The following ZNF100 variants were observed in gnomAD, a reference collection of about 807,000 sequenced individuals.
The protein encoded by ZNF100 is zinc finger protein 100, also known as zinc finger protein 100 (Y1).
Under a neutral mutation model 15.8 loss-of-function variants are expected in ZNF100, and 12 were observed. The ratio of observed to expected loss-of-function variants is 0.76; its 90% CI spans 0.49 to 1.23. The LOEUF (loss-of-function observed/expected upper bound fraction) is 1.23. ZNF100 is among the 50% of genes most tolerant of loss of function. The probability of loss-of-function intolerance (pLI) is 0.00; values close to 1 mark genes in which losing one functional copy is unlikely to be tolerated. For synonymous variants in ZNF100, 226 were observed against 214.8 expected, an observed-to-expected ratio of 1.05 and a Z score of -0.45; for missense variants, 670 against 635.6, an observed-to-expected ratio of 1.05 and a Z score of -0.58.
At position 21,724,255 on chromosome 19, in the gene ZNF100, T is replaced by C. The variant is rs2035733139; in HGVS notation, c.*2428A>G. On this transcript the variant is annotated 3_prime_UTR_variant, in exon 5 of 5. Transcript: ENST00000358296. ...TTTTCTAGTAGTCATCTTGTTAAAA[T>C]GATTTGTTTTGTTCAGTATTGCTTT... is the stretch of plus-strand genomic sequence containing the variant. 4 of 152,172 alleles carry C rather than the reference T, an allele frequency of 2.6e-5. No homozygotes were observed. The South Asian group carries it at 8.3e-4, about 31-fold the overall frequency. 9.4% of individuals were successfully genotyped at this position (152,172 alleles called of 1,614,324 possible). A position where few individuals can be genotyped will look rare whatever the true frequency, so the allele number is the denominator to read the frequency against.
Position 21,738,863 on chromosome 19 carries a change from T to C in ZNF100, c.322+5154A>G, listed in dbSNP as rs139328152. Among the ~76,000 whole-genome samples the C allele has an allele frequency of 3.7e-3, 569 of 152,194 alleles. 2 individuals carry two copies. Among genetic ancestry groups the C allele is most frequent in the African/African-American group, 0.013 (549 of 41,530 alleles). On this transcript the variant is annotated intron_variant, in intron 4 of 4. Coordinates refer to ENST00000358296, the MANE Select transcript of ZNF100 (RefSeq NM_173531.4). ...GGGAGGCTGAGGCAAGAAAATTGCA[T>C]GAATCAGGGAGGTGGAAGTTGCAGT...
intron 2 of ZNF100, among the ~76,000 whole-genome samples, chr19:21,748,321 C>T (rs1383390237): frequency 1.3e-5 from 2 of 152,102 alleles, no homozygotes; most frequent in Non-Finnish European, 2.9e-5. Flanking sequence ...CAAAGTGGGC[C>T]AGACCTAAAG....
Position 21,726,859 on chromosome 19 carries a change from A to G in ZNF100, c.1453T>C (p.Tyr485His). The G allele has an allele frequency of 6.2e-7, 1 of 1,613,398 alleles. No individual in the cohort carries two copies. Among genetic ancestry groups the G allele is most frequent in the African/African-American group, 1.3e-5 (1 of 75,018 alleles). The stretch of plus-strand genomic sequence containing the variant: ...GCTTTGCCACATTCCTCACATTTGT[A>G]GGGTTTCTCTCCAGTATGAATCATC... ...HKMIHTGEKP[Y>H]KCEECGKAFN... is the part of the protein sequence containing the mutation. Residue 485 changes from tyrosine to histidine, a missense_variant, in exon 5 of 5, where the codon TAC (tyrosine) becomes CAC (histidine). Tyr to His is a moderately conservative substitution (Grantham distance 83). Coordinates refer to ENST00000358296, the MANE Select transcript of ZNF100 (RefSeq NM_173531.4).
intron 2 of ZNF100, among the ~76,000 whole-genome samples, chr19:21,758,458 T>C (rs2036427079): frequency 6.6e-6 from 1 of 152,090 alleles, no homozygotes; most frequent in Admixed American, 6.6e-5. Context: ...GCAGTGTAAG[T>C]GGATTGTTTG....
rs746977407 is a variant in ZNF100, at chr19:21,726,965, C to A, written c.1347G>T (p.Met449Ile). ...NESSNLTTHK[M>I]IHTGEKPYKC... ...TGTAGGGTTTCTCTCCAGTATGAAT[C>A]ATCTTATGGGTAGTAAGGTTTGAGG... is the stretch of plus-strand genomic sequence containing the variant. The change falls in exon 5 of 5, where the codon ATG becomes ATT. Residue 449 changes from methionine (M) to isoleucine (I), a missense_variant. Met to Ile is a conservative substitution (Grantham distance 10). Transcript: ENST00000358296. 6.3e-7 allele frequency: 1 copy of A among 1,598,568 alleles called. No homozygotes were observed. Among genetic ancestry groups the A allele is most frequent in the Non-Finnish European group, 8.5e-7 (1 of 1,173,980 alleles).
intron 4 of ZNF100, among the ~76,000 whole-genome samples, chr19:21,731,100 C>G (rs2035909455): frequency 6.6e-6 from 1 of 151,936 alleles, no homozygotes; most frequent in Non-Finnish European, 1.5e-5. Flanking sequence ...CATTATAGTT[C>G]CTGATTTAAA....
intron 2 of ZNF100, among the ~76,000 whole-genome samples, chr19:21,758,718 G>A (rs1031917906): frequency 2.3e-4 from 35 of 152,176 alleles, no homozygotes; most frequent in African/African-American, 8.2e-4. Flanking sequence ...AGTCCTGGGA[G>A]GGGTGTGGAC....
chr19:21,750,873 G>A, intron 2 of ZNF100: 1 of 546,848 alleles, frequency 1.8e-6, no homozygotes, highest in Non-Finnish European at 3.3e-6. Flanking sequence ...CCTATTGCGT[G>A]TCCCCCCAGT....
intron 2 of ZNF100, among the ~76,000 whole-genome samples, chr19:21,748,947 C>A (rs556416090): frequency 6.6e-6 from 1 of 152,290 alleles, no homozygotes; most frequent in Admixed American, 6.5e-5. Flanking sequence ...CTCAGGTGAT[C>A]CGCCTGCCTC....
At chr19:21,758,329 T>C (rs1222533185) in intron 2 of ZNF100, among the ~76,000 whole-genome samples, 1 of 152,210 alleles carries the variant, frequency 6.6e-6, no homozygotes, top group East Asian at 1.9e-4. Flanking sequence ...TTTGGTGCTA[T>C]GCTTAGTACC....
Position 21,725,619 on chromosome 19 carries a change from GAAGAA to G in ZNF100, c.*1059_*1063del, listed in dbSNP as rs1164061763. On this transcript the variant is annotated 3_prime_UTR_variant, in exon 5 of 5. Coordinates refer to ENST00000358296, the MANE Select transcript of ZNF100 (RefSeq NM_173531.4). The stretch of plus-strand genomic sequence containing the variant: ...CATGCTTTCACATGTAAATAGGAGT[GAAGAA>G]AAGGCAGGAAATAATTTAAGAGTTG... 2.6e-5 allele frequency: 4 copies of G among 152,052 alleles called. No homozygotes were observed. The highest frequency in any genetic ancestry group is 4.4e-5 in the Non-Finnish European group (3 of 67,968). 9.4% of individuals were successfully genotyped at this position (152,052 alleles called of 1,614,324 possible).
intron 4 of ZNF100, among the ~76,000 whole-genome samples, chr19:21,741,393 G>T (rs748068349): frequency 1.3e-5 from 2 of 151,342 alleles, no homozygotes; most frequent in Non-Finnish European, 2.9e-5. Flanking sequence ...TATTTTTTTT[G>T]AGACGGTGTT....
chr19:21,727,740 T>A lies in ZNF100; in HGVS notation c.572A>T (p.Asn191Ile). The A allele has an allele frequency of 6.2e-7, 1 of 1,613,906 alleles. No individual in the cohort carries two copies. The highest frequency in any genetic ancestry group is 8.5e-7 in the Non-Finnish European group (1 of 1,179,876). ...ATGTCTTATCTTATGTCTGTTTGAATTTGAAAATGTATGAAAGACTTTTGC... is the reference window on the plus strand; with the variant it reads ...ATGTCTTATCTTATGTCTGTTTGAAATTGAAAATGTATGAAAGACTTTTGC... ...PSAKVFHTFS[N>I]SNRHKIRHTR... The change falls in exon 5 of 5, where the codon AAT (asparagine) becomes ATT (isoleucine). Residue 191 changes from asparagine (N) to isoleucine (I), a missense_variant. Physicochemically the swap from Asn to Ile is moderately radical, Grantham distance 149. Coordinates refer to ENST00000358296, the MANE Select transcript of ZNF100 (RefSeq NM_173531.4).
chr19:21,730,445 AGT>A (rs58942514), intron 4 of ZNF100, among the ~76,000 whole-genome samples: 20,632 of 147,610 alleles, frequency 0.14, 1,617 homozygotes, highest in Non-Finnish European at 0.18. Context: ...TGATAACCTA[AGT>A]GTGTGTGTGT....
At chr19:21,754,325 A>C (rs1185473093) in intron 2 of ZNF100, among the ~76,000 whole-genome samples, 1 of 152,136 alleles carries the variant, frequency 6.6e-6, no homozygotes, top group Non-Finnish European at 1.5e-5. Context: ...AGAATGTTAC[A>C]ATTTATGTGG....
At chr19:21,750,935 G>A (rs543420745) in intron 2 of ZNF100, 29 of 722,456 alleles carry the variant, frequency 4.0e-5, no homozygotes, top group South Asian at 1.1e-4. Flanking sequence ...CTGCGCAACC[G>A]ACATCTACGA....
At chr19:21,733,001 T>C (rs897471960) in intron 4 of ZNF100, among the ~76,000 whole-genome samples, 5 of 152,276 alleles carry the variant, frequency 3.3e-5, no homozygotes, top group African/African-American at 1.2e-4. Flanking sequence ...CCAAGGCAGA[T>C]AGATCACTTG....
At chr19:21,735,795 T>C (rs1232816319) in intron 4 of ZNF100, among the ~76,000 whole-genome samples, 3 of 152,030 alleles carry the variant, frequency 2.0e-5, no homozygotes, top group Non-Finnish European at 4.4e-5. Context: ...GCTCGCTTGA[T>C]TGATTTTTTT....
rs2035730686 is a variant in ZNF100 at position 21,724,157 on chromosome 19, C to G, written c.*2526G>C. On this transcript the variant is annotated 3_prime_UTR_variant, in exon 5 of 5. Transcript: ENST00000358296. ...CATGGGGAGATTCAGAACTATAAGC[C>G]ACAGAATGTACAGTAATAAATTCAA... is the stretch of plus-strand genomic sequence containing the variant. The G allele has an allele frequency of 6.6e-6, 1 of 152,086 alleles. No homozygotes were observed. Among genetic ancestry groups the G allele is most frequent in the South Asian group, 2.1e-4 (1 of 4,832 alleles). 9.4% of individuals were successfully genotyped at this position (152,086 alleles called of 1,614,324 possible). A position where few individuals can be genotyped will look rare whatever the true frequency, so the allele number is the denominator to read the frequency against.
Sources: allele counts gnomAD v4.1 joint callset (sites outside exome capture counted in the v4.1 genomes callset), GRCh38; gene constraint gnomAD v4.1.1; transcripts MANE v1.5; gene names NCBI Gene and HGNC (gene_info 2026-07-23, HGNC 2026-07-21).